CEP83: variants seen among roughly 807,000 people sequenced by gnomAD.
The protein encoded by CEP83 is centrosomal protein of 83 kDa.
CEP83 carries 70 observed loss-of-function variants against 101.9 expected under a neutral mutation model. The observed-to-expected ratio is 0.69, with a 90% CI of 0.57 to 0.84. The LOEUF is 0.84. Ranked by LOEUF, CEP83 falls within the 40% of genes least tolerant of loss-of-function variation. CEP83 has a pLI of 0.00. For missense variants in CEP83, 715 were observed against 787.2 expected (o/e 0.91, Z 1.10); for synonymous variants, 264 against 267.9 (o/e 0.99, Z 0.14).
At chr12:94,431,202 C>T (rs2065595336) in intron 2 of CEP83, among the ~76,000 whole-genome samples, 1 of 152,110 alleles carries the variant, frequency 6.6e-6, no homozygotes, top group South Asian at 2.1e-4. Context: ...GAAAGAATGT[C>T]CCCTTCAATA....
chr12:94,410,127 T>G (rs923958412), intron 4 of CEP83, among the ~76,000 whole-genome samples: 2 of 152,182 alleles, frequency 1.3e-5, no homozygotes, highest in Non-Finnish European at 2.9e-5. Context: ...CAATCCCAAT[T>G]CATTCATTTA....
At chr12:94,444,565 A>C (rs1024034213) in intron 1 of CEP83, among the ~76,000 whole-genome samples, 2 of 152,116 alleles carry the variant, frequency 1.3e-5, no homozygotes, top group Non-Finnish European at 2.9e-5. Flanking sequence ...ATGTTCAAGA[A>C]TCTTCTTTTA....
chr12:94,323,331 G>A (rs78799941), intron 14 of CEP83, among the ~76,000 whole-genome samples: 6,578 of 152,158 alleles, frequency 0.043, 189 homozygotes, highest in East Asian at 0.081. Flanking sequence ...ATAATTCTGT[G>A]TAACAGGCTG....
At chr12:94,451,388 G>A (rs1222481121) in intron 1 of CEP83, among the ~76,000 whole-genome samples, 2 of 148,502 alleles carry the variant, frequency 1.3e-5, no homozygotes, top group East Asian at 2.0e-4. Context: ...AGAAATATTT[G>A]CAAATCTTAT....
intron 14 of CEP83, among the ~76,000 whole-genome samples, chr12:94,328,997 GT>G (rs1274209668): frequency 2.0e-5 from 3 of 152,108 alleles, no homozygotes; most frequent in Admixed American, 2.0e-4. Flanking sequence ...TACACATGAT[GT>G]TTTTCTATTT....
intron 6 of CEP83, among the ~76,000 whole-genome samples, chr12:94,398,355 G>C (rs2063028961): frequency 6.6e-6 from 1 of 152,182 alleles, no homozygotes; most frequent in South Asian, 2.1e-4. Flanking sequence ...CATGTTGTGG[G>C]AAGTCAGGGA....
chr12:94,395,369 T>TAA (rs199629590), intron 6 of CEP83, among the ~76,000 whole-genome samples: 12 of 149,048 alleles, frequency 8.1e-5, no homozygotes, highest in Admixed American at 2.0e-4. Flanking sequence ...AGTAACAAAT[T>TAA]AAAAAAAAAA....
At chr12:94,413,596 G>T (rs771382710) in intron 2 of CEP83, among the ~76,000 whole-genome samples, 4 of 152,090 alleles carry the variant, frequency 2.6e-5, no homozygotes, top group Admixed American at 2.0e-4. Context: ...AGATTCACAT[G>T]AGAAATTTGT....
chr12:94,459,963 G>C (rs1443367722), upstream of CEP83: 1 of 152,586 alleles, frequency 6.6e-6, no homozygotes, highest in Non-Finnish European at 1.5e-5. Context: ...TTGGCCCAGC[G>C]GCACGCGAAG....
chr12:94,305,467 G>C (rs1968910044), downstream of CEP83: 5 of 561,260 alleles, frequency 8.9e-6, no homozygotes, highest in African/African-American at 1.9e-5. Context: ...CCTTGTGCCT[G>C]TGTGTATACC....
chr12:94,435,774 A>T (rs2065938734), intron 1 of CEP83, among the ~76,000 whole-genome samples: 1 of 152,238 alleles, frequency 6.6e-6, no homozygotes, highest in South Asian at 2.1e-4. Flanking sequence ...TCCCTGGCTA[A>T]TCAGAGGTCC....
chr12:94,269,460 C>T, the CEP83 span, among the ~76,000 whole-genome samples: 1 of 152,196 alleles, frequency 6.6e-6, no homozygotes, highest in Admixed American at 6.5e-5. Flanking sequence ...TCATATACAA[C>T]AGAGCCCTAG....
At chr12:94,359,319 T>G in intron 11 of CEP83, among the ~76,000 whole-genome samples, 1 of 152,142 alleles carries the variant, frequency 6.6e-6, no homozygotes, top group Non-Finnish European at 1.5e-5. Flanking sequence ...AAAAGGAGAC[T>G]AAAAAACTAT....
intron 11 of CEP83, among the ~76,000 whole-genome samples, chr12:94,365,279 T>C (rs1450390045): frequency 1.3e-5 from 2 of 152,148 alleles, no homozygotes; most frequent in Non-Finnish European, 2.9e-5. Flanking sequence ...TCATTTGTAA[T>C]ATGAGAAATG....
At chr12:94,405,054 A>T (rs1010773390) in intron 4 of CEP83, among the ~76,000 whole-genome samples, 2 of 152,238 alleles carry the variant, frequency 1.3e-5, no homozygotes, top group Admixed American at 6.5e-5. Context: ...GGAGCCAAAG[A>T]AACCAGACAG....
intron 1 of CEP83, among the ~76,000 whole-genome samples, chr12:94,444,088 T>C (rs1280890852): frequency 6.6e-6 from 1 of 152,126 alleles, no homozygotes; most frequent in East Asian, 1.9e-4. Context: ...GCATGCGTTA[T>C]AGTTAGTTAT....
rs764377749 is a variant in CEP83 at position 94,376,009 on chromosome 12, T to G, written c.810A>C (p.Lys270Asn). 6.4e-7 allele frequency: 1 copy of G among 1,553,452 alleles called. No homozygotes were observed. The highest frequency in any genetic ancestry group is 8.7e-7 in the Non-Finnish European group (1 of 1,148,268). The change falls in exon 8 of 17, where the codon AAA becomes AAC. Residue 270 changes from lysine to asparagine, a missense_variant. Physicochemically the swap from Lys to Asn is moderately conservative, Grantham distance 94. Coordinates refer to ENST00000397809, the MANE Select transcript of CEP83 (RefSeq NM_016122.3). ...QATVRSLEAE[K>N]QSANLRAERL... ...GTTCTGCCCGTAAATTAGCTGATTG[T>G]TTTTCAGCCTTTCATACAAACAAAA... is the stretch of plus-strand genomic sequence containing the variant.
chr12:94,314,517 A>G (rs1356786565), intron 14 of CEP83, among the ~76,000 whole-genome samples: 2 of 152,226 alleles, frequency 1.3e-5, no homozygotes, highest in African/African-American at 2.4e-5. Context: ...ATTGTTAGTG[A>G]GATTTATGTT....
chr12:94,412,206 G>GTATA, intron 3 of CEP83, 112 bp downstream of exon 3: 1 of 820,966 alleles, frequency 1.2e-6, no homozygotes, highest in Non-Finnish European at 1.8e-6. Flanking sequence ...AGTTTTAAAT[G>GTATA]TATACATTGC....
Sources: gnomAD v4.1 joint callset for allele counts (sites outside exome capture counted in the v4.1 genomes callset) on GRCh38, gnomAD v4.1.1 for gene constraint, MANE v1.5 for transcripts, NCBI Gene and HGNC (gene_info 2026-07-23, HGNC 2026-07-21) for gene names.